Variants in SYNGR1 observed in about 807,000 individuals in gnomAD.
SYNGR1 encodes the protein synaptogyrin 1, also known as synaptogyrin-1.
Under a neutral mutation model 26.1 loss-of-function variants are expected in SYNGR1, and 14 were observed. The ratio of observed to expected loss-of-function variants is 0.54; its 90% CI spans 0.35 to 0.84. SYNGR1 has a LOEUF of 0.84. Among genes scored for constraint, SYNGR1 ranks in the 40% least tolerant of loss-of-function variants. SYNGR1 has a pLI of 0.01. For missense variants in SYNGR1, 319 were observed against 332.9 expected, an observed-to-expected ratio of 0.96 and a Z score of 0.33; for synonymous variants, 141 against 150.1, an observed-to-expected ratio of 0.94 and a Z score of 0.44.
Position 39,371,402 on chromosome 22 carries a change from G to A in SYNGR1, c.100-2914G>A, listed in dbSNP as rs111829982. 2.2e-3 allele frequency among the ~76,000 whole-genome samples: 329 copies of A among 151,076 alleles called. 3 individuals carry two copies. Among genetic ancestry groups the A allele is most frequent in the African/African-American group, 6.9e-3 (286 of 41,166 alleles). The stretch of plus-strand genomic sequence containing the variant: ...GAGGCAGGAGAATCGCTTGAACCCA[G>A]GAGGCAGAGGTTGTGGTGGACTGAG... On this transcript the variant is annotated intron_variant, in intron 1 of 3. Transcript: ENST00000328933.
At position 39,374,538 on chromosome 22, in the gene SYNGR1, G is replaced by A. The variant is rs937970592; in HGVS notation, c.322G>A (p.Asp108Asn). 5.6e-6 allele frequency: 9 copies of A among 1,613,324 alleles called. No individual in the cohort carries two copies. Among genetic ancestry groups the A allele is most frequent in the Non-Finnish European group, 7.6e-6 (9 of 1,179,962 alleles). The change falls in exon 2 of 4, where the codon GAC becomes AAC. Residue 108 changes from aspartate (D) to asparagine (N), a missense_variant. Asp to Asn is a conservative substitution (Grantham distance 23). Transcript: ENST00000328933. Reference sequence around the variant, plus strand: ...GGACCGCAAGAAAGCCGTCCTGTCCGACATCGGTGTCTCGGGTGAGCCCCA... The same window carrying A: ...GGACCGCAAGAAAGCCGTCCTGTCCAACATCGGTGTCTCGGGTGAGCCCCA... ...VKDRKKAVLSDIGVSAFWAFL... is the reference protein window; with the variant it reads ...VKDRKKAVLSNIGVSAFWAFL...
intron 3 of SYNGR1, among the ~76,000 whole-genome samples, chr22:39,376,418 G>C (rs909927857): frequency 2.6e-5 from 4 of 152,076 alleles, no homozygotes; most frequent in African/African-American, 9.7e-5. Flanking sequence ...GGAGATGGCA[G>C]ACCCTCACTG....
In SYNGR1 at chr22:39,385,260, A is replaced by G; in HGVS notation, c.*3346A>G. On this transcript the variant is annotated 3_prime_UTR_variant, in exon 4 of 4. Coordinates refer to ENST00000328933, the MANE Select transcript of SYNGR1 (RefSeq NM_004711.5). ...TGACACTCCCCATGTCCTGGTGCGC[A>G]CAGCCCTTGTCGGTGCCCCGGCCCC... 1 of 357,630 alleles carries G rather than the reference A, an allele frequency of 2.8e-6. No individual in the cohort carries two copies. Among genetic ancestry groups the G allele is most frequent in the Non-Finnish European group, 5.0e-6 (1 of 200,600 alleles). 22.2% of individuals were successfully genotyped at this position (357,630 alleles called of 1,614,324 possible). A position where few individuals can be genotyped will look rare whatever the true frequency, so the allele number is the denominator to read the frequency against.
intron 1 of SYNGR1, among the ~76,000 whole-genome samples, chr22:39,356,491 T>TC (rs1316724437): frequency 6.6e-6 from 1 of 151,350 alleles, no homozygotes; most frequent in Non-Finnish European, 1.5e-5. Flanking sequence ...CTCCAGGGAG[T>TC]CCCCAGCCAT....
rs199903324 is a variant in SYNGR1, at chr22:39,370,625, A to ATT, written c.100-3677_100-3676dup. Among the ~76,000 whole-genome samples, 660 of 137,158 alleles carry ATT rather than the reference A, an allele frequency of 4.8e-3. 8 individuals are homozygous for ATT. Among genetic ancestry groups the ATT allele is most frequent in the African/African-American group, 0.017 (630 of 37,304 alleles). The allele number at this position is 137,158 out of a possible 152,430, so 90.0% of individuals were successfully genotyped here. Reference sequence around the variant, plus strand: ...CATCCTAACCCAGAGGTCTCTAACCATTTTTTTTTTTTTTTGAGACAATGT... The same window carrying ATT: ...CATCCTAACCCAGAGGTCTCTAACCATTTTTTTTTTTTTTTTTGAGACAATGT... On this transcript the variant is annotated intron_variant, in intron 1 of 3. Transcript: ENST00000328933.
At chr22:39,380,174 A>C (rs1925451546) in intron 3 of SYNGR1, among the ~76,000 whole-genome samples, 1 of 151,570 alleles carries the variant, frequency 6.6e-6, no homozygotes. Flanking sequence ...AAAAAAAAAA[A>C]AAAAACGGGG....
At chr22:39,359,607 G>A (rs1924365525) in intron 1 of SYNGR1, among the ~76,000 whole-genome samples, 3 of 135,610 alleles carry the variant, frequency 2.2e-5, no homozygotes, top group South Asian at 4.7e-4. Context: ...CTCCAGCCTG[G>A]GCAACAAAGT....
At chr22:39,352,262 G>A (rs990106489) in intron 1 of SYNGR1, among the ~76,000 whole-genome samples, 1 of 152,222 alleles carries the variant, frequency 6.6e-6, no homozygotes, top group Admixed American at 6.5e-5. Context: ...GCTCACACAC[G>A]TGGATACAAG....
chr22:39,377,968 GC>G, intron 3 of SYNGR1: 1 of 1,278,332 alleles, frequency 7.8e-7, no homozygotes, highest in Non-Finnish European at 1.0e-6. Context: ...GAGCCCACAG[GC>G]TGGGGAGGAG....
At chr22:39,357,773 C>T (rs566555123) in intron 1 of SYNGR1, among the ~76,000 whole-genome samples, 1 of 152,190 alleles carries the variant, frequency 6.6e-6, no homozygotes, top group South Asian at 2.1e-4. Flanking sequence ...TACTGGGTCC[C>T]TCAGCAGTGC....
At chr22:39,367,548 C>T (rs978157923) in intron 1 of SYNGR1, among the ~76,000 whole-genome samples, 3 of 152,138 alleles carry the variant, frequency 2.0e-5, no homozygotes, top group Non-Finnish European at 4.4e-5. Context: ...GTAGACCGCG[C>T]GAGGTGGCTC....
intron 1 of SYNGR1, among the ~76,000 whole-genome samples, chr22:39,365,134 TC>T (rs1924676547): frequency 2.0e-5 from 3 of 152,174 alleles, no homozygotes; most frequent in African/African-American, 7.2e-5. Context: ...AAGACCTGTC[TC>T]CCTTCCCCAC....
In SYNGR1 at chr22:39,381,716, C is replaced by A. The variant is rs2145635992; in HGVS notation, c.504C>A (p.Ala168=). Residue 168 remains alanine, a synonymous_variant, in exon 4 of 4, where the codon GCC becomes GCA. Transcript: ENST00000328933. ...CCCAGGCGGGCCAGGCTGTGCTGGC[C>A]TTCCAGCGGTACCAGATTGGCGCCG... ...IFTWAGQAVL[A]FQRYQIGADS... is the part of the protein sequence containing the mutation. 6.2e-7 allele frequency: 1 copy of A among 1,613,420 alleles called. No individual in the cohort carries two copies. The highest frequency in any genetic ancestry group is 1.1e-5 in the South Asian group (1 of 91,086).
At chr22:39,356,159 C>T (rs1435320847) in intron 1 of SYNGR1, among the ~76,000 whole-genome samples, 1 of 152,098 alleles carries the variant, frequency 6.6e-6, no homozygotes, top group African/African-American at 2.4e-5. Context: ...CTCCACCTTC[C>T]AAATTCAAGC....
chr22:39,364,842 A>C (rs1924657531), intron 1 of SYNGR1, among the ~76,000 whole-genome samples: 1 of 152,086 alleles, frequency 6.6e-6, no homozygotes, highest in Non-Finnish European at 1.5e-5. Flanking sequence ...AGGATCCTGA[A>C]ATCCAAGATT....
At chr22:39,367,094 CT>C (rs1335219120) in intron 1 of SYNGR1, among the ~76,000 whole-genome samples, 1 of 152,242 alleles carries the variant, frequency 6.6e-6, no homozygotes, top group Admixed American at 6.5e-5. Flanking sequence ...AGAGGCCTCC[CT>C]GGGCCCCCAG....
intron 1 of SYNGR1, among the ~76,000 whole-genome samples, chr22:39,367,015 C>G (rs1480931652): frequency 1.3e-5 from 2 of 152,360 alleles, no homozygotes; most frequent in African/African-American, 4.8e-5. Flanking sequence ...GCCTTGGCAC[C>G]TGTGGCTGCT....
chr22:39,373,177 T>A (rs1014931879), intron 1 of SYNGR1, among the ~76,000 whole-genome samples: 2 of 146,756 alleles, frequency 1.4e-5, no homozygotes, highest in African/African-American at 5.2e-5. Flanking sequence ...ATAGATAGAT[T>A]TTTTTTTTTT....
chr22:39,363,277 G>A (rs1470211987), intron 1 of SYNGR1, among the ~76,000 whole-genome samples: 1 of 151,454 alleles, frequency 6.6e-6, no homozygotes, highest in Non-Finnish European at 1.5e-5. Context: ...CAATCCAAGA[G>A]TCTAGACCTG....
Sources: gnomAD v4.1 joint callset for allele counts (sites outside exome capture counted in the v4.1 genomes callset) on GRCh38, gnomAD v4.1.1 for gene constraint, MANE v1.5 for transcripts, NCBI Gene and HGNC (gene_info 2026-07-23, HGNC 2026-07-21) for gene names.